Variants in PIEZO2 observed in about 807,000 individuals in gnomAD.
PIEZO2 encodes piezo-type mechanosensitive ion channel component 2.
In PIEZO2, 172 loss-of-function variants were observed where a neutral mutation model predicts 337.3. The ratio of observed to expected loss-of-function variants is 0.51; its 90% CI spans 0.45 to 0.58. PIEZO2 has a LOEUF of 0.58. Among genes scored for constraint, PIEZO2 ranks in the 20% least tolerant of loss-of-function variants. The probability of loss-of-function intolerance (pLI) is 0.00; values close to 1 mark genes in which losing one functional copy is unlikely to be tolerated. For synonymous variants in PIEZO2, 1,251 were observed against 1,228.5 expected, an observed-to-expected ratio of 1.02 and a Z score of -0.38; for missense variants, 3,028 against 3,391.3, an observed-to-expected ratio of 0.89 and a Z score of 2.66.
intron 3 of PIEZO2, among the ~76,000 whole-genome samples, chr18:10,939,016 T>G (rs1843403): frequency 3.3e-5 from 5 of 151,774 alleles, no homozygotes; most frequent in Non-Finnish European, 7.4e-5. Flanking sequence ...GAACCCAGAG[T>G]GGCAGAAGTT....
At chr18:11,082,344 G>A (rs1386980188) in intron 1 of PIEZO2, among the ~76,000 whole-genome samples, 1 of 150,084 alleles carries the variant, frequency 6.7e-6, no homozygotes, top group Non-Finnish European at 1.5e-5. Flanking sequence ...TTGAGACAGA[G>A]ACTTGCTCTG....
intron 8 of PIEZO2, among the ~76,000 whole-genome samples, chr18:10,804,803 T>A (rs1355297062): frequency 6.6e-6 from 1 of 152,234 alleles, no homozygotes; most frequent in African/African-American, 2.4e-5. Flanking sequence ...GTATTTTTCA[T>A]TAAATGCACC....
At position 10,828,480 on chromosome 18, in the gene PIEZO2, C is replaced by T. The variant is rs2040746877; in HGVS notation, c.918-21206G>A. ...CAATTAAGGGATTCATGTTTTCCTT[C>T]CATTGTTTCCTAAATGACCCTGGAA... On this transcript the variant is annotated intron_variant, in intron 7 of 55. Coordinates refer to ENST00000674853, the MANE Select transcript of PIEZO2 (RefSeq NM_001378183.1). This position sits in a 1 kb window ranked among gnomAD's most constrained non-coding sequence, Gnocchi z 4.1. Among the ~76,000 whole-genome samples, 1 of 152,004 alleles carries T rather than the reference C, an allele frequency of 6.6e-6. No homozygotes were observed. Among genetic ancestry groups the T allele is most frequent in the Non-Finnish European group, 1.5e-5 (1 of 67,994 alleles).
At position 10,748,439 on chromosome 18, in the gene PIEZO2, G is replaced by A. The variant is rs1413559161; in HGVS notation, c.4424+32C>T. On this transcript the variant is annotated intron_variant, in intron 30 of 55. Transcript: ENST00000674853. The surrounding 1 kb of genome is among the most constrained non-coding windows in gnomAD (Gnocchi z 5.1). ...ATATTATTTCAGGCAAGTTTCCTGG[G>A]AGAAACCACCTGATTTCATGGCCTG... is the stretch of plus-strand genomic sequence containing the variant. 2.0e-6 allele frequency: 3 copies of A among 1,533,886 alleles called. No homozygotes were observed. The highest frequency in any genetic ancestry group is 2.0e-5 in the Admixed American group (1 of 50,634).
chr18:11,080,820 G>C lies in PIEZO2; in HGVS notation c.65-14598C>G, dbSNP rs899202646. 1.3e-5 allele frequency among the ~76,000 whole-genome samples: 2 copies of C among 152,152 alleles called. No individual in the cohort carries two copies. Among genetic ancestry groups the C allele is most frequent in the African/African-American group, 4.8e-5 (2 of 41,430 alleles). ...GATGGTGCCACTGCACCCCAGCCTG[G>C]CGACAGAGCAAGGCTCTGTCAATAA... On this transcript the variant is annotated intron_variant, in intron 1 of 55. Transcript: ENST00000674853. The surrounding 1 kb of genome is among the most constrained non-coding windows in gnomAD (Gnocchi z 5.4).
chr18:10,692,400 A>G (rs1344271972), intron 47 of PIEZO2, among the ~76,000 whole-genome samples: 2 of 152,142 alleles, frequency 1.3e-5, no homozygotes, highest in East Asian at 3.9e-4. Flanking sequence ...GTTTTGATAC[A>G]AGCACCATAT....
At chr18:10,916,721 G>A (rs577849953) in intron 3 of PIEZO2, among the ~76,000 whole-genome samples, 107 of 152,270 alleles carry the variant, frequency 7.0e-4, no homozygotes, top group African/African-American at 2.4e-3. Flanking sequence ...GCCCAGAGAC[G>A]CGCTCCCATA....
In PIEZO2 at chr18:10,763,311, A is replaced by G. The variant is rs1383491049; in HGVS notation, c.2947-213T>C. The G allele has an allele frequency of 5.2e-6, 3 of 572,764 alleles. No individual in the cohort carries two copies. The Admixed American group carries it at 9.2e-5, about 18-fold the overall frequency. 35.5% of individuals were successfully genotyped at this position (572,764 alleles called of 1,614,324 possible). On this transcript the variant is annotated intron_variant, in intron 21 of 55. Coordinates refer to ENST00000674853, the MANE Select transcript of PIEZO2 (RefSeq NM_001378183.1). ...GCATTATGTCTTGTATGGCAGACAG[A>G]CATATCATCAGGTGACATCAATATC...
chr18:11,102,018 GC>G lies in PIEZO2; in HGVS notation c.65-35797del, dbSNP rs2039434523. On this transcript the variant is annotated intron_variant, in intron 1 of 55. Coordinates refer to ENST00000674853, the MANE Select transcript of PIEZO2 (RefSeq NM_001378183.1). This position sits in a 1 kb window ranked among gnomAD's most constrained non-coding sequence, Gnocchi z 5.7. ...TGATTGTGTGCCTGGGGATCCTGGG[GC>G]CCTGATTTGGAGGCTATAGACTTAA... Among the ~76,000 whole-genome samples the G allele has an allele frequency of 6.6e-6, 1 of 152,120 alleles. No individual in the cohort carries two copies.
intron 49 of PIEZO2, among the ~76,000 whole-genome samples, chr18:10,685,742 C>T (rs1197397116): frequency 1.3e-5 from 2 of 152,206 alleles, no homozygotes; most frequent in African/African-American, 4.8e-5. Context: ...GTGACCTGTT[C>T]GCCCAAGTGA....
intron 2 of PIEZO2, among the ~76,000 whole-genome samples, chr18:10,999,752 A>G (rs1286078014): frequency 1.3e-5 from 2 of 152,218 alleles, no homozygotes; most frequent in African/African-American, 4.8e-5. Context: ...TTGTCTTAGA[A>G]AGCAAGTATT....
At position 10,882,500 on chromosome 18, in the gene PIEZO2, G is replaced by A. The variant is rs186622639; in HGVS notation, c.330-11085C>T. Reference sequence around the variant, plus strand: ...ATTAAAAATCTAATATATTAACTTCGTTTTATACAATTACATTCAAACATA... The same window carrying A: ...ATTAAAAATCTAATATATTAACTTCATTTTATACAATTACATTCAAACATA... On this transcript the variant is annotated intron_variant, in intron 4 of 55. Transcript: ENST00000674853. Among the ~76,000 whole-genome samples, 212 of 152,204 alleles carry A rather than the reference G, an allele frequency of 1.4e-3. 3 individuals carry two copies. The highest frequency in any genetic ancestry group is 3.4e-3 in the Middle Eastern group (1 of 294).
chr18:10,769,950 A>G, intron 21 of PIEZO2, 198 bp downstream of exon 21: 1 of 537,190 alleles, frequency 1.9e-6, no homozygotes, highest in Non-Finnish European at 3.1e-6. Context: ...GCCAACGAGA[A>G]ACTCAGCCAC....
chr18:10,721,806 G>A (rs546257248), intron 36 of PIEZO2, among the ~76,000 whole-genome samples: 28 of 152,208 alleles, frequency 1.8e-4, no homozygotes, highest in Admixed American at 9.8e-4. Flanking sequence ...CTGGAATAAC[G>A]TAATTGTCTA....
chr18:10,738,872 A>G (rs1431707384), intron 33 of PIEZO2: 1 of 152,220 alleles, frequency 6.6e-6, no homozygotes, highest in Non-Finnish European at 1.5e-5. Context: ...TTGTGTGTGT[A>G]CATAGGTATG....
chr18:11,139,485 C>G (rs1043003398), intron 1 of PIEZO2, among the ~76,000 whole-genome samples: 8 of 152,080 alleles, frequency 5.3e-5, no homozygotes, highest in Non-Finnish European at 1.0e-4. Flanking sequence ...TTATGACGCC[C>G]TAATAAATAT....
intron 1 of PIEZO2, among the ~76,000 whole-genome samples, chr18:11,142,777 G>GAA (rs2040688908): frequency 4.8e-5 from 1 of 20,638 alleles, no homozygotes. Context: ...TGAGATTATC[G>GAA]CAAAAAAAAA....
At position 10,929,599 on chromosome 18, in the gene PIEZO2, G is replaced by A. The variant is rs188412391; in HGVS notation, c.287-18371C>T. On this transcript the variant is annotated intron_variant, in intron 3 of 55. Transcript: ENST00000674853. This position sits in a 1 kb window ranked among gnomAD's most constrained non-coding sequence, Gnocchi z 5.6. ...TGAGAAGTTATTGGCAAGACTGTGA[G>A]AGGAAAATGCCTCTACCAACCTCTC... is the stretch of plus-strand genomic sequence containing the variant. 4.6e-5 allele frequency among the ~76,000 whole-genome samples: 7 copies of A among 152,322 alleles called. No individual in the cohort carries two copies. Among genetic ancestry groups the A allele is most frequent in the Admixed American group, 4.6e-4 (7 of 15,306 alleles).
intron 13 of PIEZO2, 117 bp from the exon 14 acceptor site, chr18:10,791,441 A>G: frequency 8.5e-7 from 1 of 1,182,744 alleles, no homozygotes; most frequent in Non-Finnish European, 1.1e-6. Flanking sequence ...AAACCTTTTT[A>G]TTGGAGACAG....
Sources: gnomAD v4.1 joint callset for allele counts (sites outside exome capture counted in the v4.1 genomes callset) on GRCh38, gnomAD v4.1.1 for gene constraint, Gnocchi (gnomAD v3.1) non-coding constraint, MANE v1.5 for transcripts, NCBI Gene and HGNC (gene_info 2026-07-23, HGNC 2026-07-21) for gene names.